The following DLG4 variants were observed in gnomAD, a reference collection of about 807,000 sequenced individuals.
The protein encoded by DLG4 is discs large MAGUK scaffold protein 4, also known as disks large homolog 4.
In DLG4, 7 loss-of-function variants were observed where a neutral mutation model predicts 93.8. The ratio of observed to expected loss-of-function variants is 0.07; its 90% CI spans 0.04 to 0.14. The LOEUF (loss-of-function observed/expected upper bound fraction) is 0.14. DLG4 is among the 10% of genes least tolerant of loss of function. The pLI, the probability that DLG4 is intolerant of heterozygous loss-of-function variation, is 1.00. For synonymous variants in DLG4, 341 were observed against 387.6 expected, an observed-to-expected ratio of 0.88 and a Z score of 1.41; for missense variants, 545 against 992.9, an observed-to-expected ratio of 0.55 and a Z score of 6.06.
intron 8 of DLG4, among the ~76,000 whole-genome samples, chr17:7,200,712 A>C (rs2070076030): frequency 6.6e-6 from 1 of 151,612 alleles, no homozygotes; most frequent in African/African-American, 2.4e-5. Context: ...ATGCCCGGCT[A>C]ATTTTGTATT....
At chr17:7,219,564 T>C (rs2071084867), upstream of DLG4, 2 of 1,114,374 alleles carry the variant, frequency 1.8e-6, no homozygotes, top group South Asian at 4.5e-5. Context: ...AGTCTGTCTT[T>C]CCATGTCTCT....
At position 7,191,194 on chromosome 17, in the gene DLG4, G is replaced by A; in HGVS notation, c.2068+73C>T. 2 of 1,443,640 alleles carry A rather than the reference G, an allele frequency of 1.4e-6. No individual in the cohort carries two copies. Among genetic ancestry groups the A allele is most frequent in the Non-Finnish European group, 1.9e-6 (2 of 1,031,412 alleles). The allele number at this position is 1,443,640 out of a possible 1,614,324, so 89.4% of individuals were successfully genotyped here. The stretch of plus-strand genomic sequence containing the variant: ...ACCTCTTTCTAAGCCATCCACTGGG[G>A]GTGGCGGGGGAGCTCTTTCTAATCC... On this transcript the variant is annotated intron_variant, in intron 19 of 19. Transcript: ENST00000399506. The surrounding 1 kb of genome is among the most constrained non-coding windows in gnomAD (Gnocchi z 6.6).
upstream of DLG4, chr17:7,219,278 G>A (rs571174477): frequency 1.3e-5 from 7 of 556,848 alleles, no homozygotes; most frequent in East Asian, 5.6e-4. Context: ...TCTCAGGCCC[G>A]GGAGGAATCC....
chr17:7,218,361 C>T, upstream of DLG4: 2 of 1,507,180 alleles, frequency 1.3e-6, no homozygotes, highest in Non-Finnish European at 1.8e-6. Context: ...CCGCTGCTGG[C>T]TGGCTGGCAA....
rs909588784 is a variant in DLG4 at position 7,196,717 on chromosome 17, G to C, written c.1083+40C>G. Reference sequence around the variant, plus strand: ...CCAAGAGCTCTGCGCTCTGCCCTGTGGGGAGGGGGTGGTGCAGGTAGGGGC... The same window carrying C: ...CCAAGAGCTCTGCGCTCTGCCCTGTCGGGAGGGGGTGGTGCAGGTAGGGGC... On this transcript the variant is annotated intron_variant, in intron 9 of 19. Transcript: ENST00000399506. The surrounding 1 kb of genome is among the most constrained non-coding windows in gnomAD (Gnocchi z 8.3). The C allele has an allele frequency of 3.8e-6, 6 of 1,584,554 alleles. No individual in the cohort carries two copies. The Admixed American group carries it at 9.0e-5, about 24-fold the overall frequency.
Position 7,207,764 on chromosome 17 carries a change from C to T in DLG4, c.96+410G>A, listed in dbSNP as rs1211590592. Among the ~76,000 whole-genome samples, 10 of 151,550 alleles carry T rather than the reference C, an allele frequency of 6.6e-5. No individual in the cohort carries two copies. In the East Asian group the frequency reaches 1.7e-3, roughly 26 times the overall value. ...CACACACAGCACACACACAGGCACG[C>T]ATGCATGCACACACGCACAGGCACA... is the stretch of plus-strand genomic sequence containing the variant. On this transcript the variant is annotated intron_variant, in intron 2 of 19. Coordinates refer to ENST00000399506, the MANE Select transcript of DLG4 (RefSeq NM_001321075.3).
At chr17:7,204,954 G>A (rs2070379727) in intron 2 of DLG4, 1 of 985,564 alleles carries the variant, frequency 1.0e-6, no homozygotes, top group Non-Finnish European at 1.2e-6. Flanking sequence ...ACCTCCAGGA[G>A]GCCCTGTCGT....
rs368477719 is a variant in DLG4, at chr17:7,197,515, GAGA to G, written c.788-466_788-464del. On this transcript the variant is annotated intron_variant, in intron 8 of 19. Transcript: ENST00000399506. The stretch of plus-strand genomic sequence containing the variant: ...TCTTTTGTTTTTTTGGGGTTTTTTT[GAGA>G]AGGAGTCTCAGGCTGGAGTGCAGTG... Among the ~76,000 whole-genome samples the G allele has an allele frequency of 2.8e-4, 42 of 151,908 alleles. No homozygotes were observed. The South Asian group carries it at 8.5e-3, about 31-fold the overall frequency.
chr17:7,201,781 C>T (rs569836493), intron 8 of DLG4, among the ~76,000 whole-genome samples: 1 of 151,964 alleles, frequency 6.6e-6, no homozygotes, highest in Non-Finnish European at 1.5e-5. Context: ...CTCGGGAGGC[C>T]GGGGCAGCAG....
chr17:7,218,805 C>A, upstream of DLG4: 3 of 1,613,588 alleles, frequency 1.9e-6, no homozygotes, highest in Non-Finnish European at 2.5e-6. Flanking sequence ...CCAGACCTCC[C>A]CTCCACAAGG....
rs190944374 is a variant in DLG4 at position 7,193,622 on chromosome 17, G to C, written c.1592-38C>G. On this transcript the variant is annotated intron_variant, in intron 15 of 19. Transcript: ENST00000399506. This position sits in a 1 kb window ranked among gnomAD's most constrained non-coding sequence, Gnocchi z 6.7. ...CCTGGCTTAGGCCGAGCGCAGGGTT[G>C]GGGGAGCAGCAAGTGCTGGGGCCAA... 4.3e-3 allele frequency: 6,517 copies of C among 1,529,986 alleles called. 21 individuals are homozygous for C. The highest frequency in any genetic ancestry group is 6.4e-3 in the Middle Eastern group (36 of 5,640). The allele number at this position is 1,529,986 out of a possible 1,614,324, so 94.8% of individuals were successfully genotyped here.
chr17:7,190,456 C>T lies in DLG4; in HGVS notation c.*252G>A. The T allele has an allele frequency of 3.9e-6, 2 of 508,722 alleles. No individual in the cohort carries two copies. Among genetic ancestry groups the T allele is most frequent in the Non-Finnish European group, 7.1e-6 (2 of 280,698 alleles). 31.5% of individuals were successfully genotyped at this position (508,722 alleles called of 1,614,324 possible). A position where few individuals can be genotyped will look rare whatever the true frequency, so the allele number is the denominator to read the frequency against. ...AGGTGGGGGCGGGGATCCTAAGGAG[C>T]AAGGGCTCGGAACAAGGAGCCCAGC... is the stretch of plus-strand genomic sequence containing the variant. On this transcript the variant is annotated 3_prime_UTR_variant, in exon 20 of 20. Coordinates refer to ENST00000399506, the MANE Select transcript of DLG4 (RefSeq NM_001321075.3).
In DLG4 at chr17:7,193,208, A is replaced by T; in HGVS notation, c.1694-91T>A. On this transcript the variant is annotated intron_variant, in intron 16 of 19. Transcript: ENST00000399506. The surrounding 1 kb of genome is among the most constrained non-coding windows in gnomAD (Gnocchi z 6.7). The stretch of plus-strand genomic sequence containing the variant: ...CTTCAATCAAATCCCCATAGTGCCC[A>T]GCTGGTCCTTTGGTGAAAGGGAGCT... The T allele has an allele frequency of 6.5e-7, 1 of 1,543,988 alleles. No homozygotes were observed. Among genetic ancestry groups the T allele is most frequent in the Non-Finnish European group, 8.8e-7 (1 of 1,133,978 alleles).
intron 2 of DLG4, among the ~76,000 whole-genome samples, chr17:7,207,147 G>A (rs531729611): frequency 3.9e-4 from 59 of 152,068 alleles, no homozygotes; most frequent in Admixed American, 1.3e-3. Flanking sequence ...GCAGAGGTGA[G>A]AACCCAAGAG....
intron 1 of DLG4, among the ~76,000 whole-genome samples, chr17:7,211,140 C>T (rs915243345): frequency 7.0e-5 from 1 of 14,370 alleles, no homozygotes; most frequent in Non-Finnish European, 1.3e-4. Flanking sequence ...GGGGTGGGGG[C>T]GGGGGAGAGT....
intron 1 of DLG4, among the ~76,000 whole-genome samples, chr17:7,214,689 C>A (rs2070835656): frequency 2.0e-5 from 3 of 152,216 alleles, no homozygotes; most frequent in Admixed American, 2.0e-4. Flanking sequence ...CCCTCCAGTC[C>A]GCCACGCAGC....
intron 8 of DLG4, among the ~76,000 whole-genome samples, chr17:7,197,389 A>C (rs2069849256): frequency 6.6e-6 from 1 of 151,800 alleles, no homozygotes; most frequent in South Asian, 2.1e-4. Flanking sequence ...TAATCCATAA[A>C]ATTCTTCTCC....
At chr17:7,218,845 G>C (rs993284019), upstream of DLG4, 14 of 1,613,592 alleles carry the variant, frequency 8.7e-6, no homozygotes, top group Non-Finnish European at 1.2e-5. Context: ...TGGTCTCTGG[G>C]ACATCTCTCT....
At position 7,194,483 on chromosome 17, in the gene DLG4, A is replaced by G. The variant is rs758154413; in HGVS notation, c.1314T>C (p.Asp438=). The change falls in exon 12 of 20, where the codon GAT becomes GAC. Residue 438 remains aspartate (D), a synonymous_variant. Transcript: ENST00000399506. The surrounding 1 kb of genome is among the most constrained non-coding windows in gnomAD (Gnocchi z 4.4). ...KRGFYIRALF[D]YDKTKDCGFL... ...AGCCGCAGTCCTTGGTCTTGTCGTA[A>G]TCAAACAGGGCCCTGGAGGGCAAGT... The G allele has an allele frequency of 3.7e-6, 6 of 1,606,298 alleles. No homozygotes were observed. In the East Asian group the frequency reaches 1.3e-4, roughly 36 times the overall value.
Sources: gnomAD v4.1 joint callset for allele counts (sites outside exome capture counted in the v4.1 genomes callset) on GRCh38, gnomAD v4.1.1 for gene constraint, Gnocchi (gnomAD v3.1) non-coding constraint, MANE v1.5 for transcripts, NCBI Gene and HGNC (gene_info 2026-07-23, HGNC 2026-07-21) for gene names.